KIRREL3: variants seen among roughly 807,000 people sequenced by gnomAD.
The protein encoded by KIRREL3 is kirre like nephrin family adhesion molecule 3.
Under a neutral mutation model 89.7 loss-of-function variants are expected in KIRREL3, and 36 were observed. That is an observed-to-expected ratio of 0.40 (90% CI 0.31 to 0.53). KIRREL3 has a LOEUF of 0.53. Among genes scored for constraint, KIRREL3 ranks in the 20% least tolerant of loss-of-function variants. The pLI, the probability that KIRREL3 is intolerant of heterozygous loss-of-function variation, is 0.49. For synonymous variants in KIRREL3, 445 were observed against 441.4 expected, an observed-to-expected ratio of 1.01 and a Z score of -0.10; for missense variants, 864 against 1,056.6, an observed-to-expected ratio of 0.82 and a Z score of 2.53.
chr11:126,938,572 A>C (rs1195824126), intron 1 of KIRREL3, among the ~76,000 whole-genome samples: 2 of 152,172 alleles, frequency 1.3e-5, no homozygotes, highest in Non-Finnish European at 2.9e-5. Flanking sequence ...GCAACCAGCT[A>C]CTCTAGGTCT....
intron 1 of KIRREL3, among the ~76,000 whole-genome samples, chr11:126,663,005 C>T (rs1417402887): frequency 2.1e-5 from 3 of 145,646 alleles, no homozygotes; most frequent in Non-Finnish European, 4.5e-5. Flanking sequence ...GTTCACTGTC[C>T]CTTCTGGCAG....
chr11:126,648,366 T>G (rs1321575533), intron 1 of KIRREL3, among the ~76,000 whole-genome samples: 1 of 152,216 alleles, frequency 6.6e-6, no homozygotes, highest in East Asian at 1.9e-4. Flanking sequence ...CCTCAGGGTC[T>G]TTGCACTTAT....
At chr11:126,452,369 AGT>A (rs1341654561) in intron 7 of KIRREL3, among the ~76,000 whole-genome samples, 1 of 152,172 alleles carries the variant, frequency 6.6e-6, no homozygotes, top group East Asian at 1.9e-4. Context: ...CAGCTAGGGA[AGT>A]GTGTCCAGCC....
At position 126,987,115 on chromosome 11, in the gene KIRREL3, A is replaced by T. The variant is rs538607482; in HGVS notation, c.55+13340T>A. 2.0e-5 allele frequency among the ~76,000 whole-genome samples: 3 copies of T among 152,350 alleles called. No homozygotes were observed. Among genetic ancestry groups the T allele is most frequent in the East Asian group, 3.9e-4 (2 of 5,188 alleles). On this transcript the variant is annotated intron_variant, in intron 1 of 16. Coordinates refer to ENST00000525144, the MANE Select transcript of KIRREL3 (RefSeq NM_032531.4). The surrounding 1 kb of genome is among the most constrained non-coding windows in gnomAD (Gnocchi z 4.6). ...GGTGATAGAGAATCTACGAACTCAG[A>T]TAACCCAGGAACCATAGAAAGACCC... is the stretch of plus-strand genomic sequence containing the variant.
rs1008746630 is a variant in KIRREL3, at chr11:126,431,028, A to G, written c.1696+391T>C. On this transcript the variant is annotated intron_variant, in intron 14 of 16. Coordinates refer to ENST00000525144, the MANE Select transcript of KIRREL3 (RefSeq NM_032531.4). The surrounding 1 kb of genome is among the most constrained non-coding windows in gnomAD (Gnocchi z 7.1). ...GACCTGCTTTTCTGGTGAGACTAGC[A>G]GCTCTTTATTTTTATTTTGTTGTAG... 45 of 1,193,550 alleles carry G rather than the reference A, an allele frequency of 3.8e-5. No individual in the cohort carries two copies. The highest frequency in any genetic ancestry group is 4.7e-5 in the Non-Finnish European group (45 of 962,364). The allele number at this position is 1,193,550 out of a possible 1,614,324, so 73.9% of individuals were successfully genotyped here. A position where few individuals can be genotyped will look rare whatever the true frequency, so the allele number is the denominator to read the frequency against.
At position 126,811,352 on chromosome 11, in the gene KIRREL3, G is replaced by A. The variant is rs540289794; in HGVS notation, c.55+189103C>T. On this transcript the variant is annotated intron_variant, in intron 1 of 16. Transcript: ENST00000525144. This position sits in a 1 kb window ranked among gnomAD's most constrained non-coding sequence, Gnocchi z 4.3. Reference sequence around the variant, plus strand: ...TACGAGGTCCTTGTCTGAATTCTCCGTGTGGTTGCTGGCCTGTAAGCTCCA... The same window carrying A: ...TACGAGGTCCTTGTCTGAATTCTCCATGTGGTTGCTGGCCTGTAAGCTCCA... 3.9e-5 allele frequency among the ~76,000 whole-genome samples: 6 copies of A among 152,288 alleles called. No homozygotes were observed. In the South Asian group the frequency reaches 8.3e-4, roughly 21 times the overall value.
intron 1 of KIRREL3, among the ~76,000 whole-genome samples, chr11:126,597,392 T>C (rs1446700240): frequency 2.0e-5 from 3 of 152,260 alleles, no homozygotes; most frequent in Non-Finnish European, 2.9e-5. Context: ...AGTTTTTAAT[T>C]AAGTCCCCGT....
At chr11:126,467,659 C>G (rs1295887914) in intron 5 of KIRREL3, among the ~76,000 whole-genome samples, 2 of 151,264 alleles carry the variant, frequency 1.3e-5, no homozygotes, top group African/African-American at 2.4e-5. Context: ...AATCATGGCT[C>G]TGCTTCCCCT....
rs1343705702 is a variant in KIRREL3 at position 126,909,295 on chromosome 11, A to C, written c.55+91160T>G. On this transcript the variant is annotated intron_variant, in intron 1 of 16. Transcript: ENST00000525144. This position sits in a 1 kb window ranked among gnomAD's most constrained non-coding sequence, Gnocchi z 4.5. ...CCGGCCTGGGACTCTTTACATTATAAGTGTGTGGCCCTGGGATCAACTGTG... is the reference window on the plus strand; with the variant it reads ...CCGGCCTGGGACTCTTTACATTATACGTGTGTGGCCCTGGGATCAACTGTG... Among the ~76,000 whole-genome samples the C allele has an allele frequency of 2.0e-5, 3 of 152,132 alleles. No homozygotes were observed. The South Asian group carries it at 6.2e-4, about 32-fold the overall frequency.
intron 2 of KIRREL3, chr11:126,543,808 C>T (rs913461913): frequency 3.9e-5 from 6 of 152,358 alleles, no homozygotes; most frequent in Admixed American, 1.3e-4. Flanking sequence ...ATTCAGAAGC[C>T]CTTTGCAAAG....
intron 1 of KIRREL3, among the ~76,000 whole-genome samples, chr11:126,885,378 G>C (rs528494203): frequency 4.7e-4 from 72 of 152,242 alleles, no homozygotes; most frequent in African/African-American, 1.7e-3. Context: ...TGAAAACATA[G>C]AGTATGTTCT....
chr11:126,678,062 T>G (rs576863949), intron 1 of KIRREL3, among the ~76,000 whole-genome samples: 1 of 152,238 alleles, frequency 6.6e-6, no homozygotes, highest in South Asian at 2.1e-4. Flanking sequence ...AAGGCATATT[T>G]TTTCAGTATG....
At position 126,989,245 on chromosome 11, in the gene KIRREL3, G is replaced by A. The variant is rs1949956194; in HGVS notation, c.55+11210C>T. On this transcript the variant is annotated intron_variant, in intron 1 of 16. Coordinates refer to ENST00000525144, the MANE Select transcript of KIRREL3 (RefSeq NM_032531.4). This position sits in a 1 kb window ranked among gnomAD's most constrained non-coding sequence, Gnocchi z 6.2. ...ACAAGAGATGCTGAAGAAGTCACCT[G>A]GAATTTGCTAGTAGAACTATCAGTA... 6.6e-6 allele frequency among the ~76,000 whole-genome samples: 1 copy of A among 152,152 alleles called. No homozygotes were observed. Among genetic ancestry groups the A allele is most frequent in the African/African-American group, 2.4e-5 (1 of 41,420 alleles).
rs1490627748 is a variant in KIRREL3 at position 126,891,777 on chromosome 11, C to A, written c.55+108678G>T. Among the ~76,000 whole-genome samples, 1 of 152,184 alleles carries A rather than the reference C, an allele frequency of 6.6e-6. No homozygotes were observed. Among genetic ancestry groups the A allele is most frequent in the Non-Finnish European group, 1.5e-5 (1 of 68,026 alleles). ...AGATGGGCAGGGCTGGGGTCAGACT[C>A]CGGTGACAGCAGCAGTGGACACAAT... On this transcript the variant is annotated intron_variant, in intron 1 of 16. Transcript: ENST00000525144. The surrounding 1 kb of genome is among the most constrained non-coding windows in gnomAD (Gnocchi z 5.1).
chr11:126,959,038 TTC>T lies in KIRREL3; in HGVS notation c.55+41415_55+41416del, dbSNP rs150608413. ...AGGCTTGAATAAAAAAAAGACTGAC[TTC>T]TCTCTCTCTCTCTCTCCCCTGAATA... On this transcript the variant is annotated intron_variant, in intron 1 of 16. Coordinates refer to ENST00000525144, the MANE Select transcript of KIRREL3 (RefSeq NM_032531.4). Among the ~76,000 whole-genome samples the T allele has an allele frequency of 1.8e-4, 27 of 150,770 alleles. No individual in the cohort carries two copies. In the East Asian group the frequency reaches 3.9e-3, roughly 22 times the overall value.
At chr11:126,951,921 T>C (rs1012641627) in intron 1 of KIRREL3, among the ~76,000 whole-genome samples, 16 of 151,984 alleles carry the variant, frequency 1.1e-4, no homozygotes, top group Admixed American at 6.5e-5. Context: ...AAAGAAGCAA[T>C]TGACCAAGGG....
chr11:126,487,237 G>A (rs969787131), intron 4 of KIRREL3, among the ~76,000 whole-genome samples: 2 of 152,182 alleles, frequency 1.3e-5, no homozygotes, highest in Admixed American at 6.5e-5. Flanking sequence ...GCAGGCAGGA[G>A]GAGGGAATAG....
chr11:126,569,237 C>T lies in KIRREL3; in HGVS notation c.56-6325G>A, dbSNP rs981137698. ...CAGGTGATAATGGTACATTTCTGGA[C>T]TTACTGTGTTCGAGGTGACAAGGTT... On this transcript the variant is annotated intron_variant, in intron 1 of 16. Transcript: ENST00000525144. This position sits in a 1 kb window ranked among gnomAD's most constrained non-coding sequence, Gnocchi z 6.5. Among the ~76,000 whole-genome samples the T allele has an allele frequency of 2.6e-5, 4 of 152,152 alleles. No homozygotes were observed. The highest frequency in any genetic ancestry group is 7.2e-5 in the African/African-American group (3 of 41,426).
At chr11:126,533,989 C>G (rs634624) in intron 2 of KIRREL3, among the ~76,000 whole-genome samples, 70,953 of 152,046 alleles carry the variant, frequency 0.47, 17,521 homozygotes, top group East Asian at 0.86. Flanking sequence ...GCAGGTGGCT[C>G]TCTATTGGTG....
Sources: gnomAD v4.1 joint callset for allele counts (sites outside exome capture counted in the v4.1 genomes callset) on GRCh38, gnomAD v4.1.1 for gene constraint, Gnocchi (gnomAD v3.1) non-coding constraint, MANE v1.5 for transcripts, NCBI Gene and HGNC (gene_info 2026-07-23, HGNC 2026-07-21) for gene names.